The following TTC7B variants were observed in gnomAD, a reference collection of about 807,000 sequenced individuals.
TTC7B encodes tetratricopeptide repeat protein 7B.
Under a neutral mutation model 106.8 loss-of-function variants are expected in TTC7B, and 28 were observed. The observed-to-expected ratio is 0.26, with a 90% confidence interval of 0.19 to 0.36. The LOEUF (loss-of-function observed/expected upper bound fraction) is 0.36. Ranked by LOEUF, TTC7B falls within the 10% of genes least tolerant of loss-of-function variation. TTC7B has a pLI of 1.00. For missense variants in TTC7B, 862 were observed against 1,076.4 expected, an observed-to-expected ratio of 0.80 and a Z score of 2.79; for synonymous variants, 405 against 430.6, an observed-to-expected ratio of 0.94 and a Z score of 0.74.
chr14:90,748,789 A>AT (rs1049100914), intron 3 of TTC7B, among the ~76,000 whole-genome samples: 10 of 151,990 alleles, frequency 6.6e-5, no homozygotes, highest in Non-Finnish European at 1.3e-4. Flanking sequence ...TTGTTTAGTC[A>AT]TTTTTTTAAC....
rs1197421413 is a variant in TTC7B at position 90,529,685 on chromosome 14, T to C, written c.*11683A>G. On this transcript the variant is annotated 3_prime_UTR_variant, in exon 20 of 20. Transcript: ENST00000328459. ...ATCCGTAATAACTGTATGCATATCA[T>C]AGCACTGTCATGAGGATTAGATGAG... 6.6e-6 allele frequency: 1 copy of C among 152,222 alleles called. No homozygotes were observed. Among genetic ancestry groups the C allele is most frequent in the Non-Finnish European group, 1.5e-5 (1 of 68,046 alleles). The allele number at this position is 152,222 out of a possible 1,614,324, so 9.4% of individuals were successfully genotyped here. A position where few individuals can be genotyped will look rare whatever the true frequency, so the allele number is the denominator to read the frequency against.
At chr14:90,704,870 C>T (rs1888142749) in intron 5 of TTC7B, among the ~76,000 whole-genome samples, 1 of 152,218 alleles carries the variant, frequency 6.6e-6, no homozygotes, top group African/African-American at 2.4e-5. Flanking sequence ...ATTTATTTGG[C>T]TTTCCCAGTC....
At chr14:90,598,902 C>G (rs370634656) in intron 17 of TTC7B, among the ~76,000 whole-genome samples, 13 of 152,182 alleles carry the variant, frequency 8.5e-5, no homozygotes, top group African/African-American at 3.1e-4. Flanking sequence ...AATCCCAGCA[C>G]TTTGGGAGGC....
Position 90,632,638 on chromosome 14 carries a change from A to G in TTC7B, c.1751+11410T>C, listed in dbSNP as rs1884751039. ...CCCAACATCTAGCATGGCCCCTGGC[A>G]TGTGGTAGAAACTCAATGCTTCAAA... is the stretch of plus-strand genomic sequence containing the variant. On this transcript the variant is annotated intron_variant, in intron 15 of 19. Coordinates refer to ENST00000328459, the MANE Select transcript of TTC7B (RefSeq NM_001010854.2). 3.3e-5 allele frequency among the ~76,000 whole-genome samples: 5 copies of G among 152,342 alleles called. No individual in the cohort carries two copies. The South Asian group carries it at 1.0e-3, about 32-fold the overall frequency.
intron 16 of TTC7B, among the ~76,000 whole-genome samples, chr14:90,617,232 A>C (rs1893121824): frequency 6.6e-6 from 1 of 152,172 alleles, no homozygotes; most frequent in Admixed American, 6.5e-5. Flanking sequence ...TGTTTGGGGG[A>C]GAGACAACTG....
intron 9 of TTC7B, among the ~76,000 whole-genome samples, chr14:90,668,827 CTTTTTTTTTTTTTTTTT>C (rs11291974): frequency 1.1e-5 from 1 of 88,528 alleles, no homozygotes; most frequent in African/African-American, 4.5e-5. Flanking sequence ...AAAATTTCAA[CTTTTTTTTTTTTTTTTT>C]TTTTTTTTTT....
chr14:90,771,333 C>T (rs1004919725), intron 3 of TTC7B, among the ~76,000 whole-genome samples: 1 of 152,152 alleles, frequency 6.6e-6, no homozygotes, highest in Non-Finnish European at 1.5e-5. Context: ...CCGTGGCTCA[C>T]GTCTGTAATC....
At chr14:90,633,248 G>A (rs567756955) in intron 15 of TTC7B, among the ~76,000 whole-genome samples, 2 of 152,350 alleles carry the variant, frequency 1.3e-5, no homozygotes, top group African/African-American at 2.4e-5. Flanking sequence ...GTTTTCTTAA[G>A]TGTGCTATTG....
chr14:90,530,588 G>C lies in TTC7B; in HGVS notation c.*10780C>G, dbSNP rs1056156310. Reference sequence around the variant, plus strand: ...CAGGAGGCTCTTACAAGGGAAAGAGGGAGACAGGAGGGTCAGAGGCAGAGA... The same window carrying C: ...CAGGAGGCTCTTACAAGGGAAAGAGCGAGACAGGAGGGTCAGAGGCAGAGA... On this transcript the variant is annotated 3_prime_UTR_variant, in exon 20 of 20. Transcript: ENST00000328459. 2.0e-5 allele frequency: 3 copies of C among 152,196 alleles called. No homozygotes were observed. The highest frequency in any genetic ancestry group is 7.2e-5 in the African/African-American group (3 of 41,428). The allele number at this position is 152,196 out of a possible 1,614,324, so 9.4% of individuals were successfully genotyped here. A position where few individuals can be genotyped will look rare whatever the true frequency, so the allele number is the denominator to read the frequency against.
rs115651113 is a variant in TTC7B at position 90,724,361 on chromosome 14, C to T, written c.698+5714G>A. The stretch of plus-strand genomic sequence containing the variant: ...ACTCGTCCCCACAACCTAATGTAGG[C>T]CCTGTGATATGGTTTGGATGTGTGT... On this transcript the variant is annotated intron_variant, in intron 5 of 19. Coordinates refer to ENST00000328459, the MANE Select transcript of TTC7B (RefSeq NM_001010854.2). Among the ~76,000 whole-genome samples the T allele has an allele frequency of 1.4e-3, 217 of 152,242 alleles. 1 individual carries two copies. Among genetic ancestry groups the T allele is most frequent in the African/African-American group, 5.1e-3 (212 of 41,524 alleles).
rs1414100459 is a variant in TTC7B at position 90,676,684 on chromosome 14, G to A, written c.1015-24C>T. 1.9e-6 allele frequency: 3 copies of A among 1,610,736 alleles called. No homozygotes were observed. In the African/African-American group the frequency reaches 4.0e-5, roughly 22 times the overall value. ...GCCTGAAAAAACATGGAATAGAGAA[G>A]CAGATGGAGAGAGAACCTAGTGCTG... is the stretch of plus-strand genomic sequence containing the variant. On this transcript the variant is annotated intron_variant, in intron 8 of 19. Transcript: ENST00000328459.
At chr14:90,708,663 A>G (rs1222928465) in intron 5 of TTC7B, among the ~76,000 whole-genome samples, 1 of 152,242 alleles carries the variant, frequency 6.6e-6, no homozygotes, top group East Asian at 1.9e-4. Flanking sequence ...GAGATGTATA[A>G]GGAGATAAAA....
chr14:90,593,435 C>T lies in TTC7B; in HGVS notation c.2107+51G>A, dbSNP rs372444015. 1.6e-4 allele frequency: 236 copies of T among 1,510,600 alleles called. No individual in the cohort carries two copies. In the African/African-American group the frequency reaches 2.6e-3, roughly 16 times the overall value. 93.6% of individuals were successfully genotyped at this position (1,510,600 alleles called of 1,614,324 possible). A position where few individuals can be genotyped will look rare whatever the true frequency, so the allele number is the denominator to read the frequency against. The stretch of plus-strand genomic sequence containing the variant: ...GCACAGCAGCGGGTTGTGGGTGGGG[C>T]GGAGCCCAGGCTCTGGCACAGCAGC... On this transcript the variant is annotated intron_variant, in intron 18 of 19. Transcript: ENST00000328459.
At chr14:90,766,714 G>T in intron 3 of TTC7B, 1 of 1,515,884 alleles carries the variant, frequency 6.6e-7, no homozygotes, top group Non-Finnish European at 9.1e-7. Flanking sequence ...ACTCACTGAG[G>T]ATGAGGTGGA....
At position 90,657,848 on chromosome 14, in the gene TTC7B, C is replaced by G. The variant is rs955761111; in HGVS notation, c.1236+456G>C. Reference sequence around the variant, plus strand: ...GGAAACTGAGCTGCTCAGTAACTTGCCTGGGTCACTCAGCTGGGAGAGCAG... The same window carrying G: ...GGAAACTGAGCTGCTCAGTAACTTGGCTGGGTCACTCAGCTGGGAGAGCAG... On this transcript the variant is annotated intron_variant, in intron 10 of 19. Coordinates refer to ENST00000328459, the MANE Select transcript of TTC7B (RefSeq NM_001010854.2). The surrounding 1 kb of genome is among the most constrained non-coding windows in gnomAD (Gnocchi z 4.2). 5.2e-6 allele frequency: 1 copy of G among 192,048 alleles called. No individual in the cohort carries two copies. Among genetic ancestry groups the G allele is most frequent in the African/African-American group, 2.4e-5 (1 of 42,302 alleles). 11.9% of individuals were successfully genotyped at this position (192,048 alleles called of 1,614,324 possible).
At chr14:90,744,767 G>A (rs557330657) in intron 4 of TTC7B, 25 bp downstream of exon 4, 3 of 1,604,474 alleles carry the variant, frequency 1.9e-6, no homozygotes, top group Non-Finnish European at 1.7e-6. Flanking sequence ...AAGTTATCAG[G>A]AACAAACACG....
Position 90,529,354 on chromosome 14 carries a change from C to A in TTC7B, c.*12014G>T, listed in dbSNP as rs1380306057. On this transcript the variant is annotated 3_prime_UTR_variant, in exon 20 of 20. Coordinates refer to ENST00000328459, the MANE Select transcript of TTC7B (RefSeq NM_001010854.2). ...GCAGAGTCTAGCTACTGGAGCCAAC[C>A]AGCGTGGCTTCGGCCAGTTAACAGA... The A allele has an allele frequency of 1.3e-5, 2 of 152,332 alleles. No homozygotes were observed. Among genetic ancestry groups the A allele is most frequent in the South Asian group, 2.1e-4 (1 of 4,828 alleles). The allele number at this position is 152,332 out of a possible 1,614,324, so 9.4% of individuals were successfully genotyped here.
chr14:90,732,827 G>A lies in TTC7B; in HGVS notation c.577-2631C>T, dbSNP rs371259030. Among the ~76,000 whole-genome samples the A allele has an allele frequency of 5.3e-5, 8 of 152,130 alleles. No individual in the cohort carries two copies. The South Asian group carries it at 1.2e-3, about 24-fold the overall frequency. On this transcript the variant is annotated intron_variant, in intron 4 of 19. Coordinates refer to ENST00000328459, the MANE Select transcript of TTC7B (RefSeq NM_001010854.2). Reference sequence around the variant, plus strand: ...CCAATCTGGATTATGTTGCTCTTAAGCTCCTTTTCCTCTTTCTCATCTCTC... The same window carrying A: ...CCAATCTGGATTATGTTGCTCTTAAACTCCTTTTCCTCTTTCTCATCTCTC...
At chr14:90,800,596 G>T (rs1595046208) in intron 1 of TTC7B, among the ~76,000 whole-genome samples, 5 of 152,146 alleles carry the variant, frequency 3.3e-5, no homozygotes, top group Admixed American at 3.3e-4. Flanking sequence ...CGGATCATGA[G>T]GTCAGGAGAT....
Sources: gnomAD v4.1 joint callset for allele counts (sites outside exome capture counted in the v4.1 genomes callset) on GRCh38, gnomAD v4.1.1 for gene constraint, Gnocchi (gnomAD v3.1) non-coding constraint, MANE v1.5 for transcripts, NCBI Gene and HGNC (gene_info 2026-07-23, HGNC 2026-07-21) for gene names.